The following ZCCHC7 variants were observed in gnomAD, a reference collection of about 807,000 sequenced individuals.
ZCCHC7 encodes zinc finger CCHC domain-containing protein 7.
Under a neutral mutation model 52.0 loss-of-function variants are expected in ZCCHC7, and 35 were observed. The ratio of observed to expected loss-of-function variants is 0.67; its 90% CI spans 0.51 to 0.89. ZCCHC7 has a LOEUF of 0.89. Among genes scored for constraint, ZCCHC7 ranks in the 40% least tolerant of loss-of-function variants. The probability of loss-of-function intolerance (pLI) is 0.00; values close to 1 mark genes in which losing one functional copy is unlikely to be tolerated. For missense variants in ZCCHC7, 574 were observed against 649.1 expected (o/e 0.88, Z 1.26); for synonymous variants, 217 against 221.5 (o/e 0.98, Z 0.18).
chr9:37,182,273 A>G (rs12344777), intron 2 of ZCCHC7, among the ~76,000 whole-genome samples: 4,822 of 152,260 alleles, frequency 0.032, 174 homozygotes, highest in African/African-American at 0.08. Context: ...TTGATAATAC[A>G]GGCACATTTA....
At chr9:37,152,659 G>C (rs1225105689) in intron 2 of ZCCHC7, among the ~76,000 whole-genome samples, 1 of 152,126 alleles carries the variant, frequency 6.6e-6, no homozygotes, top group Non-Finnish European at 1.5e-5. Flanking sequence ...TATGGGTTTT[G>C]GGAGGAAGAC....
intron 2 of ZCCHC7, among the ~76,000 whole-genome samples, chr9:37,198,427 T>A (rs188647395): frequency 6.6e-6 from 1 of 152,328 alleles, no homozygotes; most frequent in Non-Finnish European, 1.5e-5. Context: ...GGTCTCTGTC[T>A]TCATTTGTCC....
chr9:37,196,938 C>T (rs1036060419), intron 2 of ZCCHC7, among the ~76,000 whole-genome samples: 1 of 151,934 alleles, frequency 6.6e-6, no homozygotes, highest in African/African-American at 2.4e-5. Context: ...ACATTAGGTA[C>T]TGGGTAGTAT....
chr9:37,299,692 G>C (rs1402356905), intron 2 of ZCCHC7, among the ~76,000 whole-genome samples: 2 of 152,194 alleles, frequency 1.3e-5, no homozygotes, highest in Admixed American at 1.3e-4. Flanking sequence ...AGCCATGGCA[G>C]GGACAAGAAT....
At chr9:37,289,135 T>C (rs1467787434) in intron 2 of ZCCHC7, among the ~76,000 whole-genome samples, 1 of 151,956 alleles carries the variant, frequency 6.6e-6, no homozygotes, top group East Asian at 1.9e-4. Context: ...CATCTTTTAC[T>C]GTGTTCTTCT....
At position 37,181,544 on chromosome 9, in the gene ZCCHC7, G is replaced by C. The variant is rs554033875; in HGVS notation, c.610+54602G>C. Among the ~76,000 whole-genome samples, 8 of 152,290 alleles carry C rather than the reference G, an allele frequency of 5.3e-5. 1 individual carries two copies. Among genetic ancestry groups the C allele is most frequent in the Admixed American group, 5.2e-4 (8 of 15,300 alleles). On this transcript the variant is annotated intron_variant, in intron 2 of 8. Coordinates refer to ENST00000336755, the MANE Select transcript of ZCCHC7 (RefSeq NM_032226.3). ...ATGGAATATTATTCAGTCATAAAAA[G>C]GAATGAAGTACAGATTCATGCTTTA...
chr9:37,333,519 T>G (rs1393845172), intron 6 of ZCCHC7, among the ~76,000 whole-genome samples: 1 of 151,720 alleles, frequency 6.6e-6, no homozygotes, highest in Non-Finnish European at 1.5e-5. Flanking sequence ...AAGTTGTACT[T>G]CTGTTTTAAA....
At chr9:37,307,759 T>A (rs1829397224) in intron 5 of ZCCHC7, among the ~76,000 whole-genome samples, 1 of 152,190 alleles carries the variant, frequency 6.6e-6, no homozygotes. Context: ...GTGTTTGGTA[T>A]ATATATGTAT....
chr9:37,279,506 G>A (rs77467266), intron 2 of ZCCHC7, among the ~76,000 whole-genome samples: 1,975 of 151,820 alleles, frequency 0.013, 37 homozygotes, highest in African/African-American at 0.045. Flanking sequence ...TCCAAAGGAC[G>A]AAAGGACGGA....
At chr9:37,204,073 T>C (rs1823778895) in intron 2 of ZCCHC7, among the ~76,000 whole-genome samples, 1 of 152,236 alleles carries the variant, frequency 6.6e-6, no homozygotes, top group African/African-American at 2.4e-5. Context: ...GTTGAGCTTA[T>C]TTTCATGTTT....
At position 37,335,699 on chromosome 9, in the gene ZCCHC7, T is replaced by G. The variant is rs184608112; in HGVS notation, c.987+7865T>G. ...TTCCTAAGGACCTCTTTACTCTGTCTCCTAACAATGTTTCCTTCTTATATT... is the reference window on the plus strand; with the variant it reads ...TTCCTAAGGACCTCTTTACTCTGTCGCCTAACAATGTTTCCTTCTTATATT... On this transcript the variant is annotated intron_variant, in intron 6 of 8. Coordinates refer to ENST00000336755, the MANE Select transcript of ZCCHC7 (RefSeq NM_032226.3). Among the ~76,000 whole-genome samples the G allele has an allele frequency of 6.6e-5, 10 of 152,300 alleles. No homozygotes were observed. In the East Asian group the frequency reaches 1.9e-3, roughly 29 times the overall value.
intron 2 of ZCCHC7, among the ~76,000 whole-genome samples, chr9:37,250,445 A>G (rs1483779926): frequency 2.0e-5 from 3 of 151,582 alleles, no homozygotes; most frequent in African/African-American, 7.3e-5. Flanking sequence ...GGGATTACAG[A>G]TGCCTGCCAC....
intron 2 of ZCCHC7, among the ~76,000 whole-genome samples, chr9:37,216,817 T>C (rs1053975498): frequency 6.6e-6 from 1 of 152,234 alleles, no homozygotes; most frequent in Non-Finnish European, 1.5e-5. Flanking sequence ...TAATTTTAAT[T>C]GTAGTATGCA....
chr9:37,311,784 T>C (rs1000931850), intron 5 of ZCCHC7, among the ~76,000 whole-genome samples: 19 of 152,188 alleles, frequency 1.2e-4, no homozygotes, highest in African/African-American at 4.6e-4. Context: ...AGTGCAAAAG[T>C]TTATTTTAAG....
intron 5 of ZCCHC7, among the ~76,000 whole-genome samples, chr9:37,315,913 A>G (rs1206689253): frequency 2.0e-5 from 3 of 148,332 alleles, no homozygotes; most frequent in South Asian, 2.2e-4. Context: ...AGCAAGGGTG[A>G]TGAACTGGTT....
chr9:37,120,255 G>T (rs1342865305), upstream of ZCCHC7, among the ~76,000 whole-genome samples: 1 of 152,172 alleles, frequency 6.6e-6, no homozygotes, highest in East Asian at 1.9e-4. Flanking sequence ...TCCTCGCGGG[G>T]GTAGAGGGCA....
chr9:37,153,958 C>T (rs1052558419), intron 2 of ZCCHC7, among the ~76,000 whole-genome samples: 3 of 152,108 alleles, frequency 2.0e-5, no homozygotes, highest in African/African-American at 7.2e-5. Context: ...GGTACAATCA[C>T]GGTTCATTGC....
At chr9:37,336,444 T>C (rs549698148) in intron 6 of ZCCHC7, among the ~76,000 whole-genome samples, 1 of 152,214 alleles carries the variant, frequency 6.6e-6, no homozygotes, top group East Asian at 1.9e-4. Context: ...TTCCCTGCCT[T>C]TGTGATCGAT....
chr9:37,243,599 G>T (rs1825962473), intron 2 of ZCCHC7, among the ~76,000 whole-genome samples: 2 of 151,790 alleles, frequency 1.3e-5, no homozygotes, highest in South Asian at 4.1e-4. Context: ...TTAAAACTGA[G>T]TTTATATACA....
Sources: gnomAD v4.1 joint callset for allele counts (sites outside exome capture counted in the v4.1 genomes callset) on GRCh38, gnomAD v4.1.1 for gene constraint, MANE v1.5 for transcripts, NCBI Gene and HGNC (gene_info 2026-07-23, HGNC 2026-07-21) for gene names.